GLIS1: variants seen among roughly 807,000 people sequenced by gnomAD.
The protein encoded by GLIS1 is zinc finger protein GLIS1.
In GLIS1, 24 loss-of-function variants were observed where a neutral mutation model predicts 63.8. The observed-to-expected ratio is 0.38, with a 90% CI of 0.27 to 0.53. The LOEUF (loss-of-function observed/expected upper bound fraction) is 0.53. GLIS1 is among the 20% of genes least tolerant of loss of function. The pLI is 0.85. For synonymous variants in GLIS1, 450 were observed against 482.5 expected (o/e 0.93, Z 0.88); for missense variants, 1,036 against 1,074.1 (o/e 0.96, Z 0.50).
intron 3 of GLIS1, 40 bp from the exon 4 acceptor site, chr1:53,595,030 T>G: frequency 1.4e-6 from 2 of 1,387,538 alleles, no homozygotes; most frequent in Non-Finnish European, 1.9e-6. Context: ...GAGGCTGGGC[T>G]CGCCACAGAG....
At chr1:53,524,625 GGAC>G in intron 6 of GLIS1, 149 bp downstream of exon 6, 1 of 627,488 alleles carries the variant, frequency 1.6e-6, no homozygotes, top group African/African-American at 1.9e-5. Context: ...GGTGGGAAGT[GGAC>G]GGACGGACGA....
chr1:53,718,499 T>C (rs1375332714), intron 2 of GLIS1, among the ~76,000 whole-genome samples: 7 of 152,018 alleles, frequency 4.6e-5, no homozygotes, highest in Admixed American at 4.6e-4. Context: ...ATATGTAACC[T>C]CAGGAAAACA....
At position 53,524,819 on chromosome 1, in the gene GLIS1, G is replaced by T; in HGVS notation, c.1551C>A (p.His517Gln). ...RYTDPSSLRK[H>Q]VKAHSAKEQQ... is the part of the protein sequence containing the mutation. ...GCTCTTTGGCTGAATGGGCCTTGAC[G>T]TGCTTGCGGAGGGAGCTGGGGTCTG... The change falls in exon 6 of 11, where the codon CAC becomes CAA. Residue 517 changes from histidine (H) to glutamine (Q), a missense_variant. Physicochemically the swap from His to Gln is conservative, Grantham distance 24. Around this residue, in one of 3 missense-constraint regions of GLIS1, gnomAD observed 400 missense variants for 400.9 expected, o/e 1.00. Transcript: ENST00000628545. 1 of 1,613,558 alleles carries T rather than the reference G, an allele frequency of 6.2e-7. No individual in the cohort carries two copies. Among genetic ancestry groups the T allele is most frequent in the Non-Finnish European group, 8.5e-7 (1 of 1,179,934 alleles).
At chr1:53,577,118 GCTCCT>G (rs1645039481) in intron 4 of GLIS1, among the ~76,000 whole-genome samples, 1 of 146,110 alleles carries the variant, frequency 6.8e-6, no homozygotes, top group East Asian at 2.0e-4. Flanking sequence ...TCACAGGCTA[GCTCCT>G]CCAGCCTCCC....
intron 7 of GLIS1, among the ~76,000 whole-genome samples, chr1:53,519,500 A>T (rs191560377): frequency 6.6e-6 from 1 of 152,380 alleles, no homozygotes; most frequent in African/African-American, 2.4e-5. Flanking sequence ...GTGGGCAGAA[A>T]GTCTGTTCTG....
At chr1:53,529,398 G>C (rs1569762344) in intron 5 of GLIS1, among the ~76,000 whole-genome samples, 1 of 152,216 alleles carries the variant, frequency 6.6e-6, no homozygotes, top group East Asian at 1.9e-4. Context: ...GTGGCTGACA[G>C]GTTCTGGGGA....
intron 4 of GLIS1, among the ~76,000 whole-genome samples, chr1:53,583,260 A>G (rs1645103796): frequency 6.6e-6 from 1 of 152,202 alleles, no homozygotes; most frequent in Non-Finnish European, 1.5e-5. Flanking sequence ...TTCCCTGAGC[A>G]CAGGATCTAG....
intron 2 of GLIS1, among the ~76,000 whole-genome samples, chr1:53,648,134 A>G (rs1434288222): frequency 6.6e-6 from 1 of 152,156 alleles, no homozygotes; most frequent in Non-Finnish European, 1.5e-5. Flanking sequence ...TGATTGCGCC[A>G]CTGCATTCCA....
intron 10 of GLIS1, among the ~76,000 whole-genome samples, chr1:53,507,768 G>T (rs563554953): frequency 6.6e-6 from 1 of 152,124 alleles, no homozygotes; most frequent in Non-Finnish European, 1.5e-5. Context: ...GTGTAGGGCC[G>T]GGGTGGGGTG....
At chr1:53,544,869 G>T (rs760875951) in intron 4 of GLIS1, among the ~76,000 whole-genome samples, 9 of 152,164 alleles carry the variant, frequency 5.9e-5, no homozygotes, top group Non-Finnish European at 1.3e-4. Flanking sequence ...AATGCAAATG[G>T]CTGGGCTGGG....
At chr1:53,672,324 G>A (rs1042686920) in intron 2 of GLIS1, among the ~76,000 whole-genome samples, 4 of 152,130 alleles carry the variant, frequency 2.6e-5, no homozygotes, top group Admixed American at 6.5e-5. Flanking sequence ...CACAAGCCCC[G>A]CCTTCCTTTG....
chr1:53,663,914 C>T (rs1489325921), intron 2 of GLIS1, among the ~76,000 whole-genome samples: 4 of 151,572 alleles, frequency 2.6e-5, no homozygotes, highest in African/African-American at 4.9e-5. Flanking sequence ...GCTCCAGGCG[C>T]CTCGAGGGAA....
intron 2 of GLIS1, among the ~76,000 whole-genome samples, chr1:53,700,046 T>C (rs2100489915): frequency 6.6e-6 from 1 of 152,348 alleles, no homozygotes; most frequent in South Asian, 2.1e-4. Context: ...CAGGCTTCCC[T>C]GACCCAAAGC....
At chr1:53,545,820 G>C (rs1025326977) in intron 4 of GLIS1, among the ~76,000 whole-genome samples, 1 of 152,208 alleles carries the variant, frequency 6.6e-6, no homozygotes, top group East Asian at 1.9e-4. Flanking sequence ...CTAGTGCTAC[G>C]TGTGCCCTTG....
intron 2 of GLIS1, among the ~76,000 whole-genome samples, chr1:53,647,058 A>T (rs1193280191): frequency 2.0e-5 from 3 of 152,306 alleles, no homozygotes; most frequent in African/African-American, 7.2e-5. Context: ...ATGAATTGAG[A>T]GATAAGCCAT....
chr1:53,633,509 T>G (rs570321261), intron 2 of GLIS1, among the ~76,000 whole-genome samples: 74 of 151,652 alleles, frequency 4.9e-4, no homozygotes, highest in Admixed American at 4.6e-3. Context: ...GGGGTGTGAA[T>G]GAGTGTGACT....
intron 2 of GLIS1, among the ~76,000 whole-genome samples, chr1:53,713,182 G>C (rs1338734087): frequency 2.0e-5 from 3 of 150,026 alleles, no homozygotes; most frequent in East Asian, 2.0e-4. Flanking sequence ...TGGGCAACAT[G>C]GTGAGACCTC....
chr1:53,606,462 T>A (rs576500814), intron 2 of GLIS1, among the ~76,000 whole-genome samples: 1 of 152,308 alleles, frequency 6.6e-6, no homozygotes, highest in Non-Finnish European at 1.5e-5. Flanking sequence ...GGAGACATAG[T>A]GCTTCCCACT....
At chr1:53,554,563 A>G (rs1644797104) in intron 4 of GLIS1, among the ~76,000 whole-genome samples, 1 of 152,194 alleles carries the variant, frequency 6.6e-6, no homozygotes, top group Admixed American at 6.5e-5. Flanking sequence ...GTAGGGCACT[A>G]CAGGACTAGT....
Sources: allele counts gnomAD v4.1 joint callset (sites outside exome capture counted in the v4.1 genomes callset), GRCh38; gene constraint gnomAD v4.1.1; regional missense constraint gnomAD v4.1.1; transcripts MANE v1.5; gene names NCBI Gene and HGNC (gene_info 2026-07-23, HGNC 2026-07-21).